Variants in ADGRD1 observed in about 807,000 individuals in gnomAD.
ADGRD1 encodes the protein adhesion G protein-coupled receptor D1, also known as G-protein coupled receptor 133.
ADGRD1 carries 77 observed loss-of-function variants against 113.4 expected under a neutral mutation model. The observed-to-expected ratio is 0.68, with a 90% CI of 0.57 to 0.82. The LOEUF (loss-of-function observed/expected upper bound fraction) is 0.82, where lower values mean the gene tolerates loss of function less well. Ranked by LOEUF, ADGRD1 falls within the 40% of genes least tolerant of loss-of-function variation. The pLI is 0.00. For synonymous variants in ADGRD1, 474 were observed against 475.0 expected, an observed-to-expected ratio of 1.00 and a Z score of 0.03; for missense variants, 1,036 against 1,139.1, an observed-to-expected ratio of 0.91 and a Z score of 1.30.
intron 13 of ADGRD1, among the ~76,000 whole-genome samples, chr12:131,059,694 G>C (rs569280984): frequency 6.6e-6 from 1 of 152,138 alleles, no homozygotes; most frequent in Non-Finnish European, 1.5e-5. Flanking sequence ...ATGCTCAGCC[G>C]GGTACATATA....
chr12:131,078,279 C>G (rs1885804317), intron 14 of ADGRD1, among the ~76,000 whole-genome samples: 1 of 152,252 alleles, frequency 6.6e-6, no homozygotes, highest in Non-Finnish European at 1.5e-5. Context: ...TGCAGCCCAG[C>G]TCCTGTCACC....
At position 131,057,314 on chromosome 12, in the gene ADGRD1, G is replaced by A. The variant is rs1269685116; in HGVS notation, c.1474-19487G>A. Among the ~76,000 whole-genome samples, 1 of 152,238 alleles carries A rather than the reference G, an allele frequency of 6.6e-6. No homozygotes were observed. Among genetic ancestry groups the A allele is most frequent in the East Asian group, 1.9e-4 (1 of 5,176 alleles). On this transcript the variant is annotated intron_variant, in intron 13 of 24. Coordinates refer to ENST00000261654, the MANE Select transcript of ADGRD1 (RefSeq NM_198827.5). This position sits in a 1 kb window ranked among gnomAD's most constrained non-coding sequence, Gnocchi z 4.2. ...TTCCTAATGTGTTGAGACACGCCGC[G>A]GACCAGAGAATGCTTGGAAGGGGAA...
chr12:131,026,408 C>T (rs565375841), intron 13 of ADGRD1: 1 of 152,138 alleles, frequency 6.6e-6, no homozygotes, highest in African/African-American at 2.4e-5. Context: ...ATCGTCTGTC[C>T]GATCTCTCAG....
At chr12:130,978,117 T>A (rs1872540329) in intron 4 of ADGRD1, 2 of 152,220 alleles carry the variant, frequency 1.3e-5, no homozygotes, top group African/African-American at 4.8e-5. Flanking sequence ...CCTCAGCCCA[T>A]ATAAGTTCTC....
intron 6 of ADGRD1, chr12:130,988,021 A>T (rs1403503043): frequency 6.5e-6 from 1 of 152,764 alleles, no homozygotes; most frequent in Non-Finnish European, 1.5e-5. Context: ...CCTCCCCCAG[A>T]CTCTGGCAAC....
chr12:131,012,212 C>G (rs1444575952), intron 12 of ADGRD1, among the ~76,000 whole-genome samples: 3 of 151,546 alleles, frequency 2.0e-5, no homozygotes, highest in Non-Finnish European at 4.4e-5. Context: ...TAAAAAGCCT[C>G]TTCAGAGGGG....
chr12:131,131,058 G>T (rs957177788), intron 20 of ADGRD1, among the ~76,000 whole-genome samples: 4 of 152,200 alleles, frequency 2.6e-5, no homozygotes, highest in Non-Finnish European at 5.9e-5. Flanking sequence ...ACACTAGGGG[G>T]TTCTTCCCCA....
chr12:131,032,956 A>G (rs1378967587), intron 13 of ADGRD1, among the ~76,000 whole-genome samples: 2 of 140,036 alleles, frequency 1.4e-5, no homozygotes, highest in African/African-American at 5.3e-5. Flanking sequence ...GGTGACGCTT[A>G]TTAGAGAAAT....
At chr12:131,013,118 C>T (rs1373393430) in intron 12 of ADGRD1, among the ~76,000 whole-genome samples, 1 of 152,146 alleles carries the variant, frequency 6.6e-6, no homozygotes, top group Admixed American at 6.5e-5. Flanking sequence ...CCTGGCTTCC[C>T]TCACCCTCCT....
chr12:130,992,765 G>A (rs1175010690), intron 8 of ADGRD1, among the ~76,000 whole-genome samples: 1 of 152,254 alleles, frequency 6.6e-6, no homozygotes, highest in Non-Finnish European at 1.5e-5. Context: ...CCAGCCGTGG[G>A]GCGTGGGCCA....
At chr12:131,116,036 A>C (rs1247333290) in intron 18 of ADGRD1, among the ~76,000 whole-genome samples, 1 of 152,158 alleles carries the variant, frequency 6.6e-6, no homozygotes, top group Non-Finnish European at 1.5e-5. Context: ...TCTCCATCTT[A>C]CTGCCCCTCT....
At chr12:131,012,182 G>T (rs1878006343) in intron 12 of ADGRD1, among the ~76,000 whole-genome samples, 1 of 151,834 alleles carries the variant, frequency 6.6e-6, no homozygotes. Context: ...TTCTGGGCAA[G>T]TTTATTAGAA....
chr12:131,069,656 C>G (rs1885000950), intron 13 of ADGRD1: 2 of 152,562 alleles, frequency 1.3e-5, no homozygotes, highest in African/African-American at 4.8e-5. Flanking sequence ...GACGCTGACT[C>G]TGGTTCTCCT....
intron 8 of ADGRD1, among the ~76,000 whole-genome samples, chr12:130,996,309 G>T (rs1324137262): frequency 1.4e-5 from 2 of 147,008 alleles, no homozygotes; most frequent in Non-Finnish European, 3.0e-5. Context: ...CCCAGACGGG[G>T]TGGTGGCCGG....
At chr12:131,110,631 TACATTA>T (rs2137359764) in intron 18 of ADGRD1, among the ~76,000 whole-genome samples, 1 of 152,362 alleles carries the variant, frequency 6.6e-6, no homozygotes, top group South Asian at 2.1e-4. Flanking sequence ...TTTATAGAGT[TACATTA>T]ACCTTCTGAT....
At chr12:131,094,226 G>A (rs1276719989) in intron 15 of ADGRD1, among the ~76,000 whole-genome samples, 1 of 152,170 alleles carries the variant, frequency 6.6e-6, no homozygotes, top group Non-Finnish European at 1.5e-5. Flanking sequence ...TGAGCCATGA[G>A]TATGAGGTCC....
At chr12:130,961,052 C>A (rs537356147) in intron 2 of ADGRD1, among the ~76,000 whole-genome samples, 1 of 152,182 alleles carries the variant, frequency 6.6e-6, no homozygotes, top group Non-Finnish European at 1.5e-5. Flanking sequence ...CGGCAGGGGC[C>A]GGCATTCCTC....
At chr12:131,120,997 G>T (rs1950579366) in intron 20 of ADGRD1, 84 bp downstream of exon 20, 10 of 1,239,938 alleles carry the variant, frequency 8.1e-6, no homozygotes, top group Non-Finnish European at 1.1e-5. Flanking sequence ...ATGGCGGGGG[G>T]CTCCCTGAGG....
At chr12:131,005,570 G>C (rs1876978676) in intron 11 of ADGRD1, among the ~76,000 whole-genome samples, 1 of 151,398 alleles carries the variant, frequency 6.6e-6, no homozygotes, top group Non-Finnish European at 1.5e-5. Context: ...ATGCACTCGT[G>C]GGGCAAGGCT....
Sources: allele counts gnomAD v4.1 joint callset (sites outside exome capture counted in the v4.1 genomes callset), GRCh38; gene constraint gnomAD v4.1.1; non-coding constraint Gnocchi (gnomAD v3.1); transcripts MANE v1.5; gene names NCBI Gene and HGNC (gene_info 2026-07-23, HGNC 2026-07-21).